VGLL4: variants seen among roughly 807,000 people sequenced by gnomAD.
The protein encoded by VGLL4 is vestigial like family member 4.
A neutral mutation model predicts 21.0 loss-of-function variants in VGLL4; 7 were observed. The observed-to-expected ratio is 0.33, with a 90% CI of 0.19 to 0.63. The LOEUF (loss-of-function observed/expected upper bound fraction) is 0.63. VGLL4 is among the 20% of genes least tolerant of loss of function. The pLI, the probability that VGLL4 is intolerant of heterozygous loss-of-function variation, is 0.78. For synonymous variants in VGLL4, 222 were observed against 173.2 expected, an observed-to-expected ratio of 1.28 and a Z score of -2.21; for missense variants, 394 against 425.7, an observed-to-expected ratio of 0.93 and a Z score of 0.66.
chr3:11,701,309 G>A (rs781401234), intron 2 of VGLL4, among the ~76,000 whole-genome samples: 4 of 151,924 alleles, frequency 2.6e-5, no homozygotes, highest in Non-Finnish European at 4.4e-5. Context: ...CCTGCTCTCC[G>A]TCACCTTCTG....
In VGLL4 at chr3:11,558,845, G is replaced by C; in HGVS notation, c.620-18C>G. The C allele has an allele frequency of 6.2e-7, 1 of 1,608,232 alleles. No homozygotes were observed. The highest frequency in any genetic ancestry group is 1.1e-5 in the South Asian group (1 of 90,984). On this transcript the variant is annotated intron_variant, in intron 4 of 4. Transcript: ENST00000430365. ...GGTGGCAGCTGCAGGCAAGCAGGAA[G>C]GCAGGCAGTCAGACACAGGTGGCTG...
intron 1 of VGLL4, among the ~76,000 whole-genome samples, chr3:11,623,204 C>T (rs567884282): frequency 6.6e-6 from 1 of 152,188 alleles, no homozygotes; most frequent in East Asian, 1.9e-4. Flanking sequence ...AAGGCTCTGT[C>T]GACTGGCTGG....
At chr3:11,572,971 C>G (rs554351050) in intron 2 of VGLL4, among the ~76,000 whole-genome samples, 1 of 151,882 alleles carries the variant, frequency 6.6e-6, no homozygotes. Context: ...AGTTTGAGAC[C>G]GGCCTGACCA....
intron 2 of VGLL4, among the ~76,000 whole-genome samples, chr3:11,573,531 G>A (rs2073940640): frequency 6.6e-6 from 1 of 152,114 alleles, no homozygotes; most frequent in Admixed American, 6.5e-5. Flanking sequence ...ACCTTCCCAA[G>A]GCAGCCATCC....
At chr3:11,644,580 G>A (rs911563900), upstream of VGLL4, among the ~76,000 whole-genome samples, 1 of 152,088 alleles carries the variant, frequency 6.6e-6, no homozygotes, top group Non-Finnish European at 1.5e-5. Flanking sequence ...CGAGGGGGCC[G>A]GGTGTAGTGG....
intron 1 of VGLL4, among the ~76,000 whole-genome samples, chr3:11,613,020 T>G (rs2075092058): frequency 6.6e-6 from 1 of 151,810 alleles, no homozygotes; most frequent in Non-Finnish European, 1.5e-5. Flanking sequence ...TCCTCCCTGG[T>G]AGAGCTTATA....
At chr3:11,670,334 G>C (rs2076187989) in intron 2 of VGLL4, among the ~76,000 whole-genome samples, 1 of 152,186 alleles carries the variant, frequency 6.6e-6, no homozygotes, top group African/African-American at 2.4e-5. Flanking sequence ...CCTCAGGAAA[G>C]TACTTCTACT....
intron 1 of VGLL4, among the ~76,000 whole-genome samples, chr3:11,711,220 C>T (rs781621280): frequency 1.6e-4 from 25 of 152,050 alleles, no homozygotes; most frequent in Non-Finnish European, 3.2e-4. Context: ...GCCTGGGCAA[C>T]ATGGCAAAAC....
At chr3:11,573,681 T>TC (rs1271156979) in intron 2 of VGLL4, among the ~76,000 whole-genome samples, 11 of 152,258 alleles carry the variant, frequency 7.2e-5, no homozygotes, top group African/African-American at 2.4e-4. Context: ...AATTTGCATT[T>TC]CTTCAGTTAC....
At chr3:11,626,562 T>G (rs1225151427) in intron 1 of VGLL4, 1 of 357,706 alleles carries the variant, frequency 2.8e-6, no homozygotes. Flanking sequence ...CCCTGAACAG[T>G]GCTCTAAACA....
At position 11,560,227 on chromosome 3, in the gene VGLL4, G is replaced by A. The variant is rs116939195; in HGVS notation, c.496-772C>T. Among the ~76,000 whole-genome samples the A allele has an allele frequency of 2.8e-3, 419 of 152,278 alleles. 8 individuals carry two copies. Among genetic ancestry groups the A allele is most frequent in the Admixed American group, 0.017 (265 of 15,300 alleles). ...TGCATCGGTCTGTCCAGGTGCTCCCGTAAGACCATGCACACCAGGCAGTAT... is the reference window on the plus strand; with the variant it reads ...TGCATCGGTCTGTCCAGGTGCTCCCATAAGACCATGCACACCAGGCAGTAT... On this transcript the variant is annotated intron_variant, in intron 3 of 4. Transcript: ENST00000430365.
intron 1 of VGLL4, among the ~76,000 whole-genome samples, chr3:11,705,997 T>C (rs1006584885): frequency 6.6e-6 from 1 of 152,212 alleles, no homozygotes; most frequent in Non-Finnish European, 1.5e-5. Context: ...TAATACAGCA[T>C]TTAGACTCAT....
In VGLL4 at chr3:11,624,489, G is replaced by T. The variant is rs144939891; in HGVS notation, c.82+18948C>A. Among the ~76,000 whole-genome samples, 464 of 152,210 alleles carry T rather than the reference G, an allele frequency of 3.0e-3. 2 individuals are homozygous for T. The highest frequency in any genetic ancestry group is 0.011 in the African/African-American group (447 of 41,546). On this transcript the variant is annotated intron_variant, in intron 1 of 4. Coordinates refer to ENST00000430365, the MANE Select transcript of VGLL4 (RefSeq NM_001128219.3). ...ACAGCTCAAGACCAGCTTTAGGAGG[G>T]CTCACCTCTATTTTCAAATAATGAC... is the stretch of plus-strand genomic sequence containing the variant.
intron 1 of VGLL4, among the ~76,000 whole-genome samples, chr3:11,708,762 C>G (rs1218598050): frequency 6.6e-6 from 1 of 151,822 alleles, no homozygotes; most frequent in African/African-American, 2.4e-5. Context: ...TAGTGATAAC[C>G]AAAAATAATC....
intron 2 of VGLL4, among the ~76,000 whole-genome samples, chr3:11,566,695 T>C (rs1171314004): frequency 6.6e-6 from 1 of 152,172 alleles, no homozygotes; most frequent in African/African-American, 2.4e-5. Context: ...CTCCCCGTCC[T>C]GCGCTGCCAA....
At chr3:11,597,621 C>G (rs1450208088) in intron 2 of VGLL4, among the ~76,000 whole-genome samples, 2 of 152,110 alleles carry the variant, frequency 1.3e-5, no homozygotes, top group Admixed American at 1.3e-4. Flanking sequence ...GTGGGACCGT[C>G]CTTCATCATG....
At chr3:11,658,836 C>T (rs1435388765) in intron 2 of VGLL4, among the ~76,000 whole-genome samples, 3 of 152,122 alleles carry the variant, frequency 2.0e-5, no homozygotes, top group Non-Finnish European at 4.4e-5. Context: ...CCAAAAAGTG[C>T]TATCAGCTGC....
intron 2 of VGLL4, among the ~76,000 whole-genome samples, chr3:11,571,849 G>A (rs2125169626): frequency 6.6e-6 from 1 of 152,218 alleles, no homozygotes; most frequent in African/African-American, 2.4e-5. Flanking sequence ...GCTCACACCT[G>A]TAATCTCATC....
intron 2 of VGLL4, among the ~76,000 whole-genome samples, chr3:11,678,868 T>A (rs2076331268): frequency 6.6e-6 from 1 of 152,206 alleles, no homozygotes; most frequent in African/African-American, 2.4e-5. Flanking sequence ...AGATGGCATA[T>A]GCCACGGTGG....
Sources: allele counts gnomAD v4.1 joint callset (sites outside exome capture counted in the v4.1 genomes callset), GRCh38; gene constraint gnomAD v4.1.1; transcripts MANE v1.5; gene names NCBI Gene and HGNC (gene_info 2026-07-23, HGNC 2026-07-21).